The following MGAT5 variants were observed in gnomAD, a reference collection of about 807,000 sequenced individuals.
The protein encoded by MGAT5 is alpha-1,6-mannosylglycoprotein 6-beta-N-acetylglucosaminyltransferase A.
Under a neutral mutation model 94.3 loss-of-function variants are expected in MGAT5, and 30 were observed. The observed-to-expected ratio is 0.32, with a 90% CI of 0.24 to 0.43. The LOEUF is 0.43. MGAT5 is among the 20% of genes least tolerant of loss of function. The pLI, the probability that MGAT5 is intolerant of heterozygous loss-of-function variation, is 1.00. For synonymous variants in MGAT5, 310 were observed against 322.9 expected (o/e 0.96, Z 0.43); for missense variants, 691 against 905.5 (o/e 0.76, Z 3.04).
intron 1 of MGAT5, among the ~76,000 whole-genome samples, chr2:134,234,037 A>G (rs767294559): frequency 6.6e-6 from 1 of 152,222 alleles, no homozygotes; most frequent in Non-Finnish European, 1.5e-5. Context: ...GCTAGATGCT[A>G]TGTCCTTTCA....
At chr2:134,236,603 C>A (rs1261374366) in intron 1 of MGAT5, among the ~76,000 whole-genome samples, 1 of 152,174 alleles carries the variant, frequency 6.6e-6, no homozygotes, top group African/African-American at 2.4e-5. Context: ...GTTTGCTTCC[C>A]CTTCCCTGAG....
chr2:134,363,836 G>A (rs1374811167), intron 10 of MGAT5, among the ~76,000 whole-genome samples: 1 of 152,194 alleles, frequency 6.6e-6, no homozygotes, highest in Non-Finnish European at 1.5e-5. Context: ...ATAAAAATGT[G>A]TCCTGTGTTG....
intron 1 of MGAT5, among the ~76,000 whole-genome samples, chr2:134,255,480 T>C (rs894951704): frequency 2.1e-5 from 3 of 144,540 alleles, no homozygotes; most frequent in Non-Finnish European, 4.7e-5. Flanking sequence ...TATATATACA[T>C]ATATACATAT....
At chr2:134,407,972 A>C (rs1335121680) in intron 11 of MGAT5, among the ~76,000 whole-genome samples, 1 of 152,356 alleles carries the variant, frequency 6.6e-6, no homozygotes, top group Non-Finnish European at 1.5e-5. Flanking sequence ...AGTAACAGCC[A>C]TTATCTCTCC....
Position 134,254,710 on chromosome 2 carries a change from C to T in MGAT5, c.241+66C>T, listed in dbSNP as rs116127374. The stretch of plus-strand genomic sequence containing the variant: ...TGGCCTTGAAATGGCCCTAGAAGCT[C>T]CCAGATATGGTCTTGTCATGGACTG... On this transcript the variant is annotated intron_variant, in intron 1 of 15. Coordinates refer to ENST00000281923, the MANE Select transcript of MGAT5 (RefSeq NM_002410.5). 4.2e-3 allele frequency: 6,698 copies of T among 1,584,890 alleles called. 31 individuals carry two copies. The highest frequency in any genetic ancestry group is 4.4e-3 in the Admixed American group (255 of 57,922).
chr2:134,407,556 T>C (rs1248374018), intron 11 of MGAT5, among the ~76,000 whole-genome samples: 3 of 152,204 alleles, frequency 2.0e-5, no homozygotes, highest in Non-Finnish European at 2.9e-5. Context: ...AAAGATCCAG[T>C]CTCATAGTAT....
intron 1 of MGAT5, among the ~76,000 whole-genome samples, chr2:134,234,842 A>C (rs942297852): frequency 1.3e-5 from 2 of 152,222 alleles, no homozygotes; most frequent in Non-Finnish European, 2.9e-5. Context: ...CATGAGGTGG[A>C]CTGAGCAGGT....
chr2:134,435,475 TA>T (rs1685119324), intron 14 of MGAT5, among the ~76,000 whole-genome samples: 1 of 152,236 alleles, frequency 6.6e-6, no homozygotes, highest in African/African-American at 2.4e-5. Flanking sequence ...CATTCTTTTC[TA>T]GAATACTTAC....
At chr2:134,122,626 T>A (rs1166705850) in intron 1 of MGAT5, among the ~76,000 whole-genome samples, 1 of 152,200 alleles carries the variant, frequency 6.6e-6, no homozygotes, top group African/African-American at 2.4e-5. Flanking sequence ...AGTTGCTCTG[T>A]CTGGCATTTG....
chr2:134,229,099 G>GT (rs1427035582), intron 1 of MGAT5, among the ~76,000 whole-genome samples: 4 of 152,124 alleles, frequency 2.6e-5, no homozygotes, highest in African/African-American at 9.7e-5. Context: ...AAATTAGTAT[G>GT]TTTTCCATCT....
rs116194080 is a variant in MGAT5, at chr2:134,240,141, G to C, written c.-142-14121G>C. Among the ~76,000 whole-genome samples the C allele has an allele frequency of 4.6e-5, 7 of 152,262 alleles. No homozygotes were observed. In the South Asian group the frequency reaches 8.3e-4, roughly 18 times the overall value. On this transcript the variant is annotated intron_variant, in intron 1 of 16. Transcript: ENST00000409645. Reference sequence around the variant, plus strand: ...TGACATGTTTACAGTAAACCCAATGGTGTGTTTCACCTGGCCTTTCTCTTC... The same window carrying C: ...TGACATGTTTACAGTAAACCCAATGCTGTGTTTCACCTGGCCTTTCTCTTC...
In MGAT5 at chr2:134,454,324, C is replaced by CAA. The variant is rs1305877707; in HGVS notation, c.*5478_*5479dup. 3 of 152,200 alleles carry CAA rather than the reference C, an allele frequency of 2.0e-5. No homozygotes were observed. The highest frequency in any genetic ancestry group is 4.4e-5 in the Non-Finnish European group (3 of 68,048). The allele number at this position is 152,200 out of a possible 1,614,324, so 9.4% of individuals were successfully genotyped here. A position where few individuals can be genotyped will look rare whatever the true frequency, so the allele number is the denominator to read the frequency against. On this transcript the variant is annotated 3_prime_UTR_variant, in exon 16 of 16. Transcript: ENST00000281923. ...GAAGCATTTTGCTCATTGTCCTACC[C>CAA]AAGTATTAATAGCATAATAGTTGAT...
intron 4 of MGAT5, among the ~76,000 whole-genome samples, chr2:134,322,240 A>T (rs745345466): frequency 6.6e-6 from 1 of 152,168 alleles, no homozygotes; most frequent in South Asian, 2.1e-4. Context: ...CTTGGACATT[A>T]TATGTGGGAA....
At chr2:134,333,164 GCAAAGACTTGGAAC>G (rs1688089494) in intron 4 of MGAT5, among the ~76,000 whole-genome samples, 1 of 152,032 alleles carries the variant, frequency 6.6e-6, no homozygotes, top group Non-Finnish European at 1.5e-5. Flanking sequence ...ATTCACAATA[GCAAAGACTTGGAAC>G]CAACCCAAAT....
At chr2:134,372,955 G>A (rs998532173) in intron 10 of MGAT5, among the ~76,000 whole-genome samples, 1 of 152,216 alleles carries the variant, frequency 6.6e-6, no homozygotes, top group Non-Finnish European at 1.5e-5. Context: ...ACATCCTGAG[G>A]GTGGGGCACT....
chr2:134,373,774 G>A (rs1680973655), intron 10 of MGAT5, among the ~76,000 whole-genome samples: 1 of 152,190 alleles, frequency 6.6e-6, no homozygotes, highest in Non-Finnish European at 1.5e-5. Context: ...GTGCAGTCCA[G>A]GCATGGAGAG....
chr2:134,252,554 G>C (rs189136887), upstream of MGAT5, among the ~76,000 whole-genome samples: 1 of 152,308 alleles, frequency 6.6e-6, no homozygotes, highest in East Asian at 1.9e-4. Flanking sequence ...CATCTCCTCA[G>C]TTGCTGATTC....
chr2:134,150,207 T>C (rs774154193), intron 1 of MGAT5, among the ~76,000 whole-genome samples: 1 of 152,192 alleles, frequency 6.6e-6, no homozygotes, highest in Non-Finnish European at 1.5e-5. Flanking sequence ...ATGTTCCCTT[T>C]CCCTGGCCTC....
At chr2:134,310,818 G>C (rs987770604) in intron 2 of MGAT5, among the ~76,000 whole-genome samples, 2 of 152,200 alleles carry the variant, frequency 1.3e-5, no homozygotes, top group African/African-American at 4.8e-5. Context: ...GCTTCAGTCT[G>C]ATTTATTGCC....
Sources: gnomAD v4.1 joint callset for allele counts (sites outside exome capture counted in the v4.1 genomes callset) on GRCh38, gnomAD v4.1.1 for gene constraint, MANE v1.5 for transcripts, NCBI Gene and HGNC (gene_info 2026-07-23, HGNC 2026-07-21) for gene names.